The following XKR7 variants were observed in gnomAD, a reference collection of about 807,000 sequenced individuals.
XKR7 encodes the protein XK related 7.
XKR7 carries 11 observed loss-of-function variants against 42.2 expected under a neutral mutation model. That is an observed-to-expected ratio of 0.26 (90% CI 0.16 to 0.43). The LOEUF is 0.43. XKR7 is among the 20% of genes least tolerant of loss of function. The probability of loss-of-function intolerance (pLI) is 1.00; values close to 1 mark genes in which losing one functional copy is unlikely to be tolerated. For missense variants in XKR7, 710 were observed against 802.2 expected (o/e 0.89, Z 1.39); for synonymous variants, 346 against 366.4 (o/e 0.94, Z 0.64).
intron 1 of XKR7, among the ~76,000 whole-genome samples, chr20:31,990,107 G>A (rs2064563109): frequency 6.6e-6 from 1 of 152,046 alleles, no homozygotes; most frequent in Admixed American, 6.5e-5. Flanking sequence ...GGAGCCAGCG[G>A]CCCCTGCCCA....
intron 1 of XKR7, among the ~76,000 whole-genome samples, chr20:31,989,547 C>T (rs1029197272): frequency 6.6e-6 from 1 of 152,120 alleles, no homozygotes; most frequent in African/African-American, 2.4e-5. Flanking sequence ...AGAAGGCTGA[C>T]GTGGTCACCC....
At chr20:31,994,982 C>G in intron 1 of XKR7, 86 bp from the exon 2 acceptor site, 2 of 1,513,640 alleles carry the variant, frequency 1.3e-6, no homozygotes, top group Non-Finnish European at 1.8e-6. Context: ...TGACTTGCCC[C>G]CTGCGCCTGT....
intron 1 of XKR7, among the ~76,000 whole-genome samples, chr20:31,989,041 T>C: frequency 6.6e-6 from 1 of 151,766 alleles, no homozygotes; most frequent in Non-Finnish European, 1.5e-5. Flanking sequence ...GGATTCACAG[T>C]GGGAGAATGG....
intron 1 of XKR7, among the ~76,000 whole-genome samples, chr20:31,971,634 C>A (rs1432785666): frequency 6.6e-6 from 1 of 152,158 alleles, no homozygotes; most frequent in Non-Finnish European, 1.5e-5. Flanking sequence ...TGATTGAGTC[C>A]TCCAGAATCA....
chr20:32,002,743 C>A lies in XKR7; in HGVS notation c.*5286C>A, dbSNP rs2064631020. On this transcript the variant is annotated 3_prime_UTR_variant, in exon 3 of 3. Transcript: ENST00000562532. ...AAATGTTTCTAAGGCCTCAAGTCAA[C>A]TTCTAGGGCTTGAAGGTGGGGGAAT... 6.6e-6 allele frequency: 1 copy of A among 152,218 alleles called. No homozygotes were observed. Among genetic ancestry groups the A allele is most frequent in the South Asian group, 2.1e-4 (1 of 4,832 alleles). The allele number at this position is 152,218 out of a possible 1,614,324, so 9.4% of individuals were successfully genotyped here.
At chr20:31,990,369 T>G (rs2064564908) in intron 1 of XKR7, among the ~76,000 whole-genome samples, 1 of 151,994 alleles carries the variant, frequency 6.6e-6, no homozygotes, top group Non-Finnish European at 1.5e-5. Context: ...AGGAGGAAAA[T>G]AAAGCTCAGA....
chr20:31,978,210 A>T (rs2064494644), intron 1 of XKR7, among the ~76,000 whole-genome samples: 1 of 152,016 alleles, frequency 6.6e-6, no homozygotes, highest in Non-Finnish European at 1.5e-5. Flanking sequence ...GACTCAAGCG[A>T]TCCTCCTGCC....
intron 1 of XKR7, among the ~76,000 whole-genome samples, chr20:31,989,423 T>C (rs2064559034): frequency 6.6e-6 from 1 of 152,104 alleles, no homozygotes; most frequent in Admixed American, 6.5e-5. Context: ...GGGAGGCCCT[T>C]GGAAGGCTTT....
At chr20:31,976,810 A>G (rs556959906) in intron 1 of XKR7, among the ~76,000 whole-genome samples, 55 of 152,176 alleles carry the variant, frequency 3.6e-4, no homozygotes, top group Middle Eastern at 3.4e-3. Context: ...CACTGATCAC[A>G]TTTTGTTGTG....
intron 1 of XKR7, among the ~76,000 whole-genome samples, chr20:31,972,211 C>G (rs1001780852): frequency 6.6e-6 from 1 of 152,142 alleles, no homozygotes; most frequent in Admixed American, 6.5e-5. Flanking sequence ...GGCATGTGAT[C>G]TCATGTTACT....
chr20:31,991,696 G>A (rs2064571199), intron 1 of XKR7, among the ~76,000 whole-genome samples: 1 of 152,140 alleles, frequency 6.6e-6, no homozygotes, highest in South Asian at 2.1e-4. Flanking sequence ...TCCAGGCCCA[G>A]CAAACCTCTG....
chr20:32,001,307 A>C lies in XKR7; in HGVS notation c.*3850A>C, dbSNP rs2064623928. 6.6e-6 allele frequency: 1 copy of C among 152,226 alleles called. No individual in the cohort carries two copies. Among genetic ancestry groups the C allele is most frequent in the African/African-American group, 2.4e-5 (1 of 41,454 alleles). 9.4% of individuals were successfully genotyped at this position (152,226 alleles called of 1,614,324 possible). ...AATAGGGAGTGTTGGGGACTCTGGC[A>C]GACAGGAGAGTGAGTGTGTGCCCTG... On this transcript the variant is annotated 3_prime_UTR_variant, in exon 3 of 3. Transcript: ENST00000562532.
rs974495934 is a variant in XKR7, at chr20:31,971,432, A to G, written c.584+2673A>G. Among the ~76,000 whole-genome samples the G allele has an allele frequency of 8.9e-4, 135 of 152,320 alleles. 2 individuals are homozygous for G. The highest frequency in any genetic ancestry group is 1.5e-4 in the Non-Finnish European group (10 of 68,020). ...AAAAGCCTCTGGGCCCTTGCCCCCA[A>G]AATCTTTGGATTCTAAAATGGCTAA... On this transcript the variant is annotated intron_variant, in intron 1 of 2. Transcript: ENST00000562532.
chr20:31,985,698 A>G (rs1310839582), intron 1 of XKR7, among the ~76,000 whole-genome samples: 1 of 148,158 alleles, frequency 6.7e-6, no homozygotes, highest in Non-Finnish European at 1.5e-5. Context: ...CATCCAAGAC[A>G]CAGACAGACA....
At chr20:31,991,118 G>A (rs902969868) in intron 1 of XKR7, among the ~76,000 whole-genome samples, 3 of 152,230 alleles carry the variant, frequency 2.0e-5, no homozygotes, top group Non-Finnish European at 4.4e-5. Flanking sequence ...GAGGTGGGCA[G>A]GTGGCCCGTC....
chr20:31,997,307 G>C lies in XKR7; in HGVS notation c.1590G>C (p.Lys530Asn). The C allele has an allele frequency of 1.2e-6, 2 of 1,611,458 alleles. No individual in the cohort carries two copies. The highest frequency in any genetic ancestry group is 1.7e-6 in the Non-Finnish European group (2 of 1,180,014). ...TCATCCGGATTGACTTGCCTCGCAA[G>C]AAGTACCCGGCCTGGGATGCTCATT... ...GPVIRIDLPR[K>N]KYPAWDAHFI... The change falls in exon 3 of 3, where the codon AAG becomes AAC. Residue 530 changes from lysine to asparagine, a missense_variant. By Grantham distance (94) the Lys-to-Asn change is moderately conservative. Around this residue, in one of 2 missense-constraint regions of XKR7, gnomAD observed 708 missense variants for 786.2 expected, o/e 0.90. Transcript: ENST00000562532.
At chr20:31,985,131 G>A (rs749916671) in intron 1 of XKR7, among the ~76,000 whole-genome samples, 4 of 152,120 alleles carry the variant, frequency 2.6e-5, no homozygotes, top group African/African-American at 9.7e-5. Flanking sequence ...GGGCTCAGCT[G>A]GGGGGATGTC....
At chr20:31,984,226 A>C (rs768402413) in intron 1 of XKR7, among the ~76,000 whole-genome samples, 110 of 151,642 alleles carry the variant, frequency 7.3e-4, no homozygotes, top group Non-Finnish European at 1.1e-3. Context: ...ATGCCACTGC[A>C]TTCCAGCCTG....
At position 31,968,254 on chromosome 20, in the gene XKR7, G is replaced by A; in HGVS notation, c.79G>A (p.Ala27Thr). ...GGCTGCCGGTGGAGCCCGGGGCAGTGCCGGCGGGCGCGGGGAGGCGGCGGC... is the reference window on the plus strand; with the variant it reads ...GGCTGCCGGTGGAGCCCGGGGCAGTACCGGCGGGCGCGGGGAGGCGGCGGC... ...EGAAGGARGS[A>T]GGRGEAAAAA... is the part of the protein sequence containing the mutation. The change falls in exon 1 of 3, where the codon GCC (alanine) becomes ACC (threonine). Residue 27 changes from alanine (A) to threonine (T), a missense_variant. Ala to Thr is a moderately conservative substitution (Grantham distance 58, BLOSUM62 0). Transcript: ENST00000562532. The surrounding 1 kb of genome is among the most constrained non-coding windows in gnomAD (Gnocchi z 4.5). The A allele has an allele frequency of 1.1e-5, 13 of 1,134,396 alleles. No individual in the cohort carries two copies. The highest frequency in any genetic ancestry group is 1.3e-5 in the Non-Finnish European group (12 of 926,554). The allele number at this position is 1,134,396 out of a possible 1,614,324, so 70.3% of individuals were successfully genotyped here.
Sources: allele counts gnomAD v4.1 joint callset (sites outside exome capture counted in the v4.1 genomes callset), GRCh38; gene constraint gnomAD v4.1.1; regional missense constraint gnomAD v4.1.1; non-coding constraint Gnocchi (gnomAD v3.1); transcripts MANE v1.5; gene names NCBI Gene and HGNC (gene_info 2026-07-23, HGNC 2026-07-21).